Variants in MYH1 observed in about 807,000 individuals in gnomAD.
MYH1 encodes myosin heavy chain 1, also known as myosin-1.
MYH1 carries 214 observed loss-of-function variants against 225.6 expected under a neutral mutation model. That is an observed-to-expected ratio of 0.95 (90% confidence interval 0.85 to 1.06). MYH1 has a LOEUF of 1.06. MYH1 is among the 50% of genes least tolerant of loss of function. The probability of loss-of-function intolerance (pLI) is 0.00; values close to 1 mark genes in which losing one functional copy is unlikely to be tolerated. For synonymous variants in MYH1, 774 were observed against 842.3 expected, an observed-to-expected ratio of 0.92 and a Z score of 1.40; for missense variants, 2,098 against 2,344.2, an observed-to-expected ratio of 0.89 and a Z score of 2.17.
chr17:10,501,987 A>T, intron 24 of MYH1, 76 bp from the exon 25 acceptor site: 1 of 1,378,214 alleles, frequency 7.3e-7, no homozygotes, highest in Non-Finnish European at 9.8e-7. Context: ...TTTAAACATT[A>T]TATCTATGCA....
In MYH1 at chr17:10,501,965, C is replaced by T. The variant is rs983460409; in HGVS notation, c.3112-54G>A. The T allele has an allele frequency of 1.1e-5, 17 of 1,524,304 alleles. No individual in the cohort carries two copies. In the Admixed American group the frequency reaches 1.3e-4, roughly 12 times the overall value. The allele number at this position is 1,524,304 out of a possible 1,614,324, so 94.4% of individuals were successfully genotyped here. A position where few individuals can be genotyped will look rare whatever the true frequency, so the allele number is the denominator to read the frequency against. On this transcript the variant is annotated intron_variant, in intron 24 of 39. Coordinates refer to ENST00000226207, the MANE Select transcript of MYH1 (RefSeq NM_005963.4). ...TCTTAGAATGGTAGCACCTTTTGTC[C>T]CAGATGAAATTTTTAAACATTATAT...
chr17:10,508,801 C>A (rs1325279130), intron 15 of MYH1, 129 bp from the exon 16 acceptor site: 7 of 1,350,904 alleles, frequency 5.2e-6, no homozygotes, highest in Middle Eastern at 1.9e-4. Flanking sequence ...AAAACTCGTT[C>A]CTTTGGTCAG....
At chr17:10,510,495 A>G (rs2073159980) in intron 14 of MYH1, among the ~76,000 whole-genome samples, 1 of 152,166 alleles carries the variant, frequency 6.6e-6, no homozygotes, top group Non-Finnish European at 1.5e-5. Flanking sequence ...GAACCCCAAC[A>G]TTTTGATGCC....
chr17:10,514,993 C>T (rs2073211153), intron 5 of MYH1, 98 bp from the exon 6 acceptor site: 1 of 1,069,914 alleles, frequency 9.3e-7, no homozygotes, highest in Non-Finnish European at 1.4e-6. Context: ...GTCATGTATT[C>T]AGTGGGGTTT....
intron 15 of MYH1, among the ~76,000 whole-genome samples, chr17:10,509,212 A>G (rs2073147782): frequency 6.6e-6 from 1 of 152,214 alleles, no homozygotes; most frequent in Non-Finnish European, 1.5e-5. Flanking sequence ...TAAGTAAAAA[A>G]TATTCTAGTC....
chr17:10,509,988 G>T (rs546035081), intron 14 of MYH1, among the ~76,000 whole-genome samples: 66 of 152,220 alleles, frequency 4.3e-4, no homozygotes, highest in African/African-American at 1.6e-3. Context: ...GAGAACACAT[G>T]GACACATAGA....
chr17:10,497,149 G>A lies in MYH1; in HGVS notation c.4576C>T (p.Arg1526Cys), dbSNP rs141906658. The A allele has an allele frequency of 4.8e-5, 77 of 1,613,974 alleles. No homozygotes were observed. The highest frequency in any genetic ancestry group is 2.9e-4 in the East Asian group (13 of 44,864). Reference protein sequence around the residue: ...LTEQIAEGGKRIHELEKIKKQ... With the variant: ...LTEQIAEGGKCIHELEKIKKQ... Reference sequence around the variant, plus strand: ...TTTATTTTTTCCAGTTCATGGATGCGCTTTCCTCCTTCTGCAATCTGTTCA... The same window carrying A: ...TTTATTTTTTCCAGTTCATGGATGCACTTTCCTCCTTCTGCAATCTGTTCA... Residue 1526 changes from arginine (R) to cysteine (C), a missense_variant, in exon 33 of 40, where the codon CGC becomes TGC. By Grantham distance (180) the Arg-to-Cys change is radical. Coordinates refer to ENST00000226207, the MANE Select transcript of MYH1 (RefSeq NM_005963.4).
intron 39 of MYH1, 134 bp downstream of exon 39, chr17:10,494,220 C>G (rs1320276768): frequency 9.8e-6 from 8 of 814,198 alleles, no homozygotes; most frequent in Non-Finnish European, 1.5e-5. Flanking sequence ...GGTTTTACCT[C>G]AGCCTTGGAC....
rs202189914 is a variant in MYH1 at position 10,501,590 on chromosome 17, G to C, written c.3348+4C>G. On this transcript the variant is annotated splice_donor_region_variant and intron_variant, in intron 26 of 39. Coordinates refer to ENST00000226207, the MANE Select transcript of MYH1 (RefSeq NM_005963.4). Reference sequence around the variant, plus strand: ...ATTAGCCTGGCGAAAATCATTTAACGTACTTGTAACTCCTTGATTTTCTTC... The same window carrying C: ...ATTAGCCTGGCGAAAATCATTTAACCTACTTGTAACTCCTTGATTTTCTTC... 1.9e-6 allele frequency: 3 copies of C among 1,614,176 alleles called. No homozygotes were observed. The highest frequency in any genetic ancestry group is 2.5e-6 in the Non-Finnish European group (3 of 1,180,036).
chr17:10,509,689 T>C lies in MYH1; in HGVS notation c.1417-34A>G, dbSNP rs184889070. The C allele has an allele frequency of 1.3e-3, 2,161 of 1,614,192 alleles. 3 individuals are homozygous for C. Among genetic ancestry groups the C allele is most frequent in the Admixed American group, 2.9e-3 (174 of 60,020 alleles). On this transcript the variant is annotated intron_variant, in intron 14 of 39. Coordinates refer to ENST00000226207, the MANE Select transcript of MYH1 (RefSeq NM_005963.4). ...GTTGAAAATACAAATTAGCATTCAATTTATAATGAAATCTTCTCTTTGAAA... is the reference window on the plus strand; with the variant it reads ...GTTGAAAATACAAATTAGCATTCAACTTATAATGAAATCTTCTCTTTGAAA...
At chr17:10,498,600 C>A in intron 30 of MYH1, 26 bp downstream of exon 30, 1 of 1,613,746 alleles carries the variant, frequency 6.2e-7, no homozygotes, top group Non-Finnish European at 8.5e-7. Flanking sequence ...ACTTATAGTT[C>A]CATTTTAACT....
Position 10,501,354 on chromosome 17 carries a change from A to T in MYH1, c.3494T>A (p.Ile1165Asn), listed in dbSNP as rs745353203. The T allele has an allele frequency of 2.5e-6, 4 of 1,613,738 alleles. No homozygotes were observed. Among genetic ancestry groups the T allele is most frequent in the African/African-American group, 1.3e-5 (1 of 74,836 alleles). Reference protein sequence around the residue: ...EEAGGATSAQIEMNKKREAEF... With the variant: ...EEAGGATSAQNEMNKKREAEF... The stretch of plus-strand genomic sequence containing the variant: ...AGCCTCCCGCTTCTTGTTCATCTCA[A>T]TCTGGGCTGAGGTGGCCCCACCGGC... Residue 1165 changes from isoleucine to asparagine, a missense_variant, in exon 27 of 40, where the codon ATT (isoleucine) becomes AAT (asparagine). Transcript: ENST00000226207.
At chr17:10,518,070 A>T (rs142485777) in intron 2 of MYH1, among the ~76,000 whole-genome samples, 170 bp downstream of exon 2, 358 of 152,282 alleles carry the variant, frequency 2.4e-3, no homozygotes, top group Non-Finnish European at 3.8e-3. Flanking sequence ...GTTAAGGAGA[A>T]CCAGTTTCTA....
In MYH1 at chr17:10,516,610, C is replaced by T. The variant is rs2073232262; in HGVS notation, c.33G>A (p.Gly11=). Reference sequence around the variant, plus strand: ...ACTTTCGGAGGAAAGGAGCAGCCTCCCCAAAAATGGCCATCTCAGAGTCGG... The same window carrying T: ...ACTTTCGGAGGAAAGGAGCAGCCTCTCCAAAAATGGCCATCTCAGAGTCGG... The part of the protein sequence containing the change: MSSDSEMAIF[G]EAAPFLRKSE... Residue 11 remains glycine (G), a synonymous_variant, in exon 3 of 40, where the codon GGG becomes GGA. Transcript: ENST00000226207. 2 of 1,614,004 alleles carry T rather than the reference C, an allele frequency of 1.2e-6. No homozygotes were observed. The highest frequency in any genetic ancestry group is 1.7e-5 in the Admixed American group (1 of 59,986).
Position 10,495,043 on chromosome 17 carries a change from C to T in MYH1, c.5354G>A (p.Arg1785Gln), listed in dbSNP as rs370889656. 85 of 1,614,086 alleles carry T rather than the reference C, an allele frequency of 5.3e-5. No individual in the cohort carries two copies. Among genetic ancestry groups the T allele is most frequent in the Middle Eastern group, 1.6e-4 (1 of 6,084 alleles). Reference protein sequence around the residue: ...KEQDTSAHLERMKKNLEQTVK... With the variant: ...KEQDTSAHLEQMKKNLEQTVK... Reference sequence around the variant, plus strand: ...CGTCTGTTCCAGGTTCTTCTTCATCCGCTCCAGATGGGCGCTGGTGTCCTG... The same window carrying T: ...CGTCTGTTCCAGGTTCTTCTTCATCTGCTCCAGATGGGCGCTGGTGTCCTG... Residue 1785 changes from arginine (R) to glutamine (Q), a missense_variant, in exon 37 of 40, where the codon CGG becomes CAG. Transcript: ENST00000226207.
chr17:10,515,077 A>G (rs2073211937), intron 5 of MYH1, among the ~76,000 whole-genome samples, 182 bp from the exon 6 acceptor site: 1 of 152,166 alleles, frequency 6.6e-6, no homozygotes, highest in South Asian at 2.1e-4. Flanking sequence ...CCAAAGCTAG[A>G]TACATTCCGT....
At chr17:10,494,181 A>G (rs1187485962) in intron 39 of MYH1, among the ~76,000 whole-genome samples, 173 bp downstream of exon 39, 1 of 152,080 alleles carries the variant, frequency 6.6e-6, no homozygotes, top group Admixed American at 6.5e-5. Context: ...CCATCTCTAG[A>G]ACATCTTCTG....
At chr17:10,508,736 C>T (rs868312348) in intron 15 of MYH1, 64 bp from the exon 16 acceptor site, 9 of 1,559,338 alleles carry the variant, frequency 5.8e-6, no homozygotes, top group African/African-American at 1.4e-5. Context: ...TAACATTTAA[C>T]ATTAATAATT....
intron 32 of MYH1, 31 bp from the exon 33 acceptor site, chr17:10,497,224 T>C (rs2073005725): frequency 1.9e-6 from 3 of 1,596,508 alleles, no homozygotes; most frequent in Non-Finnish European, 1.7e-6. Context: ...TAGAAATTTG[T>C]TTATAGTTGG....
Sources: gnomAD v4.1 joint callset for allele counts (sites outside exome capture counted in the v4.1 genomes callset) on GRCh38, gnomAD v4.1.1 for gene constraint, MANE v1.5 for transcripts, NCBI Gene and HGNC (gene_info 2026-07-23, HGNC 2026-07-21) for gene names.